ARL3: variants seen among roughly 807,000 people sequenced by gnomAD.
ARL3 encodes the protein ARF like GTPase 3.
ARL3 carries 9 observed loss-of-function variants against 26.0 expected under a neutral mutation model. The ratio of observed to expected loss-of-function variants is 0.35; its 90% CI spans 0.21 to 0.60. ARL3 has a LOEUF of 0.60. Ranked by LOEUF, ARL3 falls within the 20% of genes least tolerant of loss-of-function variation. ARL3 has a pLI of 0.78. For missense variants in ARL3, 158 were observed against 215.7 expected, an observed-to-expected ratio of 0.73 and a Z score of 1.67; for synonymous variants, 71 against 78.4, an observed-to-expected ratio of 0.91 and a Z score of 0.50.
rs1458523859 is a variant in ARL3 at position 102,684,303 on chromosome 10, C to T, written c.501+1513G>A. Among the ~76,000 whole-genome samples, 3 of 152,222 alleles carry T rather than the reference C, an allele frequency of 2.0e-5. No individual in the cohort carries two copies. The East Asian group carries it at 5.8e-4, about 29-fold the overall frequency. Reference sequence around the variant, plus strand: ...AGCTGGGACTACAGGTGCCCGCCACCACACCCGGCTAATTTTTTTGTATTT... The same window carrying T: ...AGCTGGGACTACAGGTGCCCGCCACTACACCCGGCTAATTTTTTTGTATTT... On this transcript the variant is annotated intron_variant, in intron 5 of 5. Transcript: ENST00000260746.
chr10:102,692,036 C>A lies in ARL3; in HGVS notation c.265-2093G>T, dbSNP rs567696995. On this transcript the variant is annotated intron_variant, in intron 3 of 5. Transcript: ENST00000260746. ...TGTACTAGTGTCGAGTACAAGGATG[C>A]AGCTGGAGGAAGCTTCTCTAGTGTT... Among the ~76,000 whole-genome samples the A allele has an allele frequency of 2.0e-5, 3 of 152,348 alleles. No individual in the cohort carries two copies. The South Asian group carries it at 6.2e-4, about 32-fold the overall frequency.
chr10:102,694,133 G>A (rs1353885102), intron 3 of ARL3, among the ~76,000 whole-genome samples: 5 of 151,966 alleles, frequency 3.3e-5, no homozygotes, highest in Admixed American at 6.6e-5. Context: ...GACTACAGGC[G>A]CCTGCCACCG....
At position 102,674,961 on chromosome 10, in the gene ARL3, C is replaced by T. The variant is rs1285735681; in HGVS notation, c.*1933G>A. The T allele has an allele frequency of 1.3e-5, 2 of 152,356 alleles. No homozygotes were observed. The allele number at this position is 152,356 out of a possible 1,614,324, so 9.4% of individuals were successfully genotyped here. ...GACCCTCCAATGCCAAAGTTCCATA[C>T]TGCAGTGTTCCAAAATTGCAGACCT... On this transcript the variant is annotated 3_prime_UTR_variant, in exon 6 of 6. Transcript: ENST00000260746.
At chr10:102,683,350 A>C (rs558479504) in intron 5 of ARL3, among the ~76,000 whole-genome samples, 1 of 152,328 alleles carries the variant, frequency 6.6e-6, no homozygotes, top group Non-Finnish European at 1.5e-5. Flanking sequence ...ATAATGGTTA[A>C]ATTCTCTAAA....
At chr10:102,677,709 T>C (rs1564727726) in intron 5 of ARL3, among the ~76,000 whole-genome samples, 1 of 152,174 alleles carries the variant, frequency 6.6e-6, no homozygotes. Context: ...CAACCCCCTT[T>C]GGAGCCAAAC....
rs568652625 is a variant in ARL3, at chr10:102,686,102, C to T, written c.316-101G>A. 1.9e-5 allele frequency: 19 copies of T among 980,658 alleles called. No individual in the cohort carries two copies. In the South Asian group the frequency reaches 2.8e-4, roughly 15 times the overall value. 60.7% of individuals were successfully genotyped at this position (980,658 alleles called of 1,614,324 possible). A position where few individuals can be genotyped will look rare whatever the true frequency, so the allele number is the denominator to read the frequency against. On this transcript the variant is annotated intron_variant, in intron 4 of 5. Coordinates refer to ENST00000260746, the MANE Select transcript of ARL3 (RefSeq NM_004311.4). The stretch of plus-strand genomic sequence containing the variant: ...TTTTTTTTTTTTTGAGACAGAGTCT[C>T]ACTCTGTCACCCAGGCTGGAGTGCA...
At chr10:102,711,363 T>G (rs975805822) in intron 1 of ARL3, among the ~76,000 whole-genome samples, 2 of 151,164 alleles carry the variant, frequency 1.3e-5, no homozygotes, top group South Asian at 4.2e-4. Flanking sequence ...TGTATGTATA[T>G]GTATCTGTAT....
At chr10:102,681,459 A>C (rs996307582) in intron 5 of ARL3, among the ~76,000 whole-genome samples, 1 of 152,068 alleles carries the variant, frequency 6.6e-6, no homozygotes, top group Non-Finnish European at 1.5e-5. Flanking sequence ...AAGGAAAAAG[A>C]AGCAAAACCA....
chr10:102,694,652 A>G (rs1355174676), intron 3 of ARL3, among the ~76,000 whole-genome samples: 1 of 152,046 alleles, frequency 6.6e-6, no homozygotes, highest in Non-Finnish European at 1.5e-5. Context: ...ATATTCATGT[A>G]AGCCTATTTT....
chr10:102,684,687 G>A (rs1369433042), intron 5 of ARL3, among the ~76,000 whole-genome samples: 1 of 151,876 alleles, frequency 6.6e-6, no homozygotes, highest in African/African-American at 2.4e-5. Flanking sequence ...CGCCCAGGCT[G>A]GAGTGCAGTG....
chr10:102,710,700 C>A (rs1259207844), intron 1 of ARL3, among the ~76,000 whole-genome samples: 1 of 152,166 alleles, frequency 6.6e-6, no homozygotes, highest in Non-Finnish European at 1.5e-5. Flanking sequence ...ACATGAACTT[C>A]AGTTAAAAGT....
chr10:102,693,947 T>A (rs1302847799), intron 3 of ARL3, among the ~76,000 whole-genome samples: 1 of 152,284 alleles, frequency 6.6e-6, no homozygotes, highest in African/African-American at 2.4e-5. Context: ...AGGGCTGAGA[T>A]TACAGACATG....
rs2064123476 is a variant in ARL3, at chr10:102,675,070, A to C, written c.*1824T>G. The C allele has an allele frequency of 6.6e-6, 1 of 152,214 alleles. No homozygotes were observed. The highest frequency in any genetic ancestry group is 2.1e-4 in the South Asian group (1 of 4,832). 9.4% of individuals were successfully genotyped at this position (152,214 alleles called of 1,614,324 possible). Reference sequence around the variant, plus strand: ...AACAATTTGCAAGTGCTAGAGCCACATTTGCAGCCTGGTAGAAGGGGGATT... The same window carrying C: ...AACAATTTGCAAGTGCTAGAGCCACCTTTGCAGCCTGGTAGAAGGGGGATT... On this transcript the variant is annotated 3_prime_UTR_variant, in exon 6 of 6. Coordinates refer to ENST00000260746, the MANE Select transcript of ARL3 (RefSeq NM_004311.4).
chr10:102,685,554 G>A (rs772792676), intron 5 of ARL3, among the ~76,000 whole-genome samples: 1 of 152,182 alleles, frequency 6.6e-6, no homozygotes, highest in Non-Finnish European at 1.5e-5. Context: ...GAATCCTAGA[G>A]TTAGAGACAA....
intron 4 of ARL3, among the ~76,000 whole-genome samples, chr10:102,688,045 T>C (rs2064196818): frequency 6.6e-6 from 1 of 152,194 alleles, no homozygotes. Flanking sequence ...ATGCTTCACA[T>C]TTCATCAAAC....
intron 2 of ARL3, among the ~76,000 whole-genome samples, chr10:102,704,151 C>CAAAA (rs56326932): frequency 5.9e-4 from 27 of 46,038 alleles, no homozygotes; most frequent in East Asian, 1.4e-3. Flanking sequence ...ACTCTGTCTC[C>CAAAA]AAAAAAAAAA....
chr10:102,683,811 T>A, intron 5 of ARL3, among the ~76,000 whole-genome samples: 1 of 151,726 alleles, frequency 6.6e-6, no homozygotes, highest in African/African-American at 2.4e-5. Flanking sequence ...CTGATGGGAG[T>A]TGGGGGAGGG....
chr10:102,690,079 A>C, intron 3 of ARL3, 136 bp from the exon 4 acceptor site: 1 of 500,626 alleles, frequency 2.0e-6, no homozygotes, highest in East Asian at 3.1e-5. Flanking sequence ...GGTGAGTCTC[A>C]TCTCATTTAT....
chr10:102,705,252 GA>G, intron 2 of ARL3, 93 bp downstream of exon 2: 1 of 1,385,998 alleles, frequency 7.2e-7, no homozygotes, highest in Non-Finnish European at 9.5e-7. Flanking sequence ...ACAAAACTTG[GA>G]AGTGGACAAA....
Sources: gnomAD v4.1 joint callset for allele counts (sites outside exome capture counted in the v4.1 genomes callset) on GRCh38, gnomAD v4.1.1 for gene constraint, MANE v1.5 for transcripts, NCBI Gene and HGNC (gene_info 2026-07-23, HGNC 2026-07-21) for gene names.